ADGRL2: variants seen among roughly 807,000 people sequenced by gnomAD.
ADGRL2 encodes the protein adhesion G protein-coupled receptor L2, also known as calcium-independent alpha-latrotoxin receptor 2.
A neutral mutation model predicts 157.4 loss-of-function variants in ADGRL2; 44 were observed. That is an observed-to-expected ratio of 0.28 (90% CI 0.22 to 0.36). The LOEUF (loss-of-function observed/expected upper bound fraction) is 0.36, where lower values mean the gene tolerates loss of function less well. ADGRL2 is among the 10% of genes least tolerant of loss of function. The pLI is 1.00. For missense variants in ADGRL2, 1,510 were observed against 1,768.9 expected, an observed-to-expected ratio of 0.85 and a Z score of 2.63; for synonymous variants, 585 against 624.7, an observed-to-expected ratio of 0.94 and a Z score of 0.95.
At chr1:81,777,838 A>G (rs1194945423) in intron 2 of ADGRL2, among the ~76,000 whole-genome samples, 1 of 152,176 alleles carries the variant, frequency 6.6e-6, no homozygotes, top group African/African-American at 2.4e-5. Context: ...AGCTCATGTA[A>G]CCTATGACCT....
chr1:81,774,252 T>A (rs2086489311), intron 2 of ADGRL2, among the ~76,000 whole-genome samples: 2 of 152,244 alleles, frequency 1.3e-5, no homozygotes, highest in Non-Finnish European at 1.5e-5. Context: ...TGCTCTCCTC[T>A]CTCTTCCTTC....
intron 2 of ADGRL2, among the ~76,000 whole-genome samples, chr1:81,462,467 G>A (rs1326715149): frequency 2.0e-5 from 3 of 152,068 alleles, no homozygotes; most frequent in Non-Finnish European, 1.5e-5. Flanking sequence ...CCCACCAGAA[G>A]GAACAAATTC....
At chr1:81,670,534 T>C (rs2082852865) in intron 3 of ADGRL2, among the ~76,000 whole-genome samples, 1 of 152,090 alleles carries the variant, frequency 6.6e-6, no homozygotes, top group Non-Finnish European at 1.5e-5. Flanking sequence ...CTCCCAGCAG[T>C]GCCACGCTGG....
intron 1 of ADGRL2, among the ~76,000 whole-genome samples, chr1:81,356,901 A>T (rs369758620): frequency 7.5e-6 from 1 of 134,170 alleles, no homozygotes; most frequent in South Asian, 2.6e-4. Context: ...TGCAGTGAGC[A>T]GAGATCGCGC....
chr1:81,330,502 T>C (rs888054325), intron 1 of ADGRL2, among the ~76,000 whole-genome samples: 1 of 152,314 alleles, frequency 6.6e-6, no homozygotes, highest in Admixed American at 6.5e-5. Flanking sequence ...TAATGTATCT[T>C]ACTTGATCAG....
intron 2 of ADGRL2, among the ~76,000 whole-genome samples, chr1:81,464,362 T>G (rs1048984184): frequency 6.6e-6 from 1 of 152,016 alleles, no homozygotes; most frequent in Non-Finnish European, 1.5e-5. Flanking sequence ...GAAAAGCATC[T>G]GAGTATCTGG....
chr1:81,417,733 G>A (rs2077056717), intron 1 of ADGRL2, among the ~76,000 whole-genome samples: 1 of 152,106 alleles, frequency 6.6e-6, no homozygotes, highest in Non-Finnish European at 1.5e-5. Context: ...TGCTTCTAAG[G>A]TTGGTAGGTC....
intron 1 of ADGRL2, among the ~76,000 whole-genome samples, chr1:81,811,171 A>T (rs2149665442): frequency 6.6e-6 from 1 of 151,994 alleles, no homozygotes; most frequent in African/African-American, 2.4e-5. Flanking sequence ...AACACTGCTG[A>T]TTTGCTGTTG....
intron 2 of ADGRL2, among the ~76,000 whole-genome samples, chr1:81,868,454 G>C (rs1270038655): frequency 6.6e-6 from 1 of 152,068 alleles, no homozygotes; most frequent in Non-Finnish European, 1.5e-5. Context: ...ACTCTAAGCA[G>C]TTTGGCCCTG....
chr1:81,481,685 A>G (rs1444435162), intron 2 of ADGRL2, among the ~76,000 whole-genome samples: 3 of 152,110 alleles, frequency 2.0e-5, no homozygotes, highest in Middle Eastern at 3.2e-3. Flanking sequence ...TGAGGTTACA[A>G]TGTTCCCTAA....
intron 1 of ADGRL2, among the ~76,000 whole-genome samples, chr1:81,727,761 C>A (rs2084585268): frequency 6.6e-6 from 1 of 151,856 alleles, no homozygotes; most frequent in Admixed American, 6.6e-5. Flanking sequence ...ATCATATGGT[C>A]TTTAAAAACA....
intron 2 of ADGRL2, among the ~76,000 whole-genome samples, chr1:81,542,467 G>T (rs371744911): frequency 4.6e-5 from 7 of 152,152 alleles, no homozygotes; most frequent in Non-Finnish European, 7.3e-5. Context: ...GCTGTTAGGC[G>T]AGGCGTGGTT....
intron 1 of ADGRL2, among the ~76,000 whole-genome samples, chr1:81,733,390 G>A (rs563973590): frequency 6.6e-6 from 1 of 152,340 alleles, no homozygotes; most frequent in Admixed American, 6.5e-5. Flanking sequence ...GTGCTGGCAA[G>A]GTTGGTTTCT....
At chr1:81,883,667 G>T (rs1022143670) in intron 2 of ADGRL2, among the ~76,000 whole-genome samples, 4 of 151,820 alleles carry the variant, frequency 2.6e-5, no homozygotes, top group African/African-American at 9.7e-5. Flanking sequence ...TTACATCCTC[G>T]TCTTCCTATT....
chr1:81,673,498 A>G (rs2082915336), intron 3 of ADGRL2, among the ~76,000 whole-genome samples: 1 of 150,050 alleles, frequency 6.7e-6, no homozygotes, highest in South Asian at 2.1e-4. Context: ...AGGAACAGAA[A>G]CTGTGCCTTC....
At chr1:81,383,630 A>G (rs2076380309) in intron 1 of ADGRL2, among the ~76,000 whole-genome samples, 2 of 150,646 alleles carry the variant, frequency 1.3e-5, no homozygotes, top group East Asian at 2.0e-4. Context: ...ACCAAGTCTT[A>G]GGAAAACAAG....
intron 1 of ADGRL2, among the ~76,000 whole-genome samples, chr1:81,823,098 A>G (rs1250088366): frequency 1.3e-5 from 2 of 151,202 alleles, no homozygotes; most frequent in Non-Finnish European, 2.9e-5. Context: ...GAAAATCTCT[A>G]TTTAGGAGGT....
At chr1:81,615,623 C>T (rs762598028) in intron 3 of ADGRL2, among the ~76,000 whole-genome samples, 12 of 152,240 alleles carry the variant, frequency 7.9e-5, no homozygotes, top group African/African-American at 9.6e-5. Context: ...TTGAAGTCAG[C>T]GAGACCAAGA....
intron 1 of ADGRL2, among the ~76,000 whole-genome samples, chr1:81,340,422 C>A (rs1016087819): frequency 1.3e-5 from 2 of 152,022 alleles, no homozygotes; most frequent in Non-Finnish European, 2.9e-5. Context: ...TCAGTGCTTC[C>A]GGTACAGAAG....
Sources: gnomAD v4.1 joint callset for allele counts (sites outside exome capture counted in the v4.1 genomes callset) on GRCh38, gnomAD v4.1.1 for gene constraint, MANE v1.5 for transcripts, NCBI Gene and HGNC (gene_info 2026-07-23, HGNC 2026-07-21) for gene names.